FHIT: variants seen among roughly 807,000 people sequenced by gnomAD.
The protein encoded by FHIT is fragile histidine triad diadenosine triphosphatase.
A neutral mutation model predicts 17.9 loss-of-function variants in FHIT; 19 were observed. The observed-to-expected ratio is 1.06, with a 90% confidence interval of 0.74 to 1.56. The LOEUF is 1.56. Ranked by LOEUF, FHIT falls within the 40% of genes most tolerant of loss-of-function variation. The pLI, the probability that FHIT is intolerant of heterozygous loss-of-function variation, is 0.00. For synonymous variants in FHIT, 81 were observed against 69.7 expected (o/e 1.16, Z -0.81); for missense variants, 248 against 189.2 (o/e 1.31, Z -1.82).
intron 8 of FHIT, among the ~76,000 whole-genome samples, chr3:59,754,771 G>GAAAT (rs1041409923): frequency 3.3e-5 from 5 of 152,116 alleles, no homozygotes; most frequent in Non-Finnish European, 4.4e-5. Context: ...GAAATAATAG[G>GAAAT]AAATAAATAA....
chr3:59,912,046 T>C (rs549619264), intron 8 of FHIT, among the ~76,000 whole-genome samples: 1 of 152,322 alleles, frequency 6.6e-6, no homozygotes, highest in South Asian at 2.1e-4. Flanking sequence ...TCTCTCTGTG[T>C]CCTCAGAAAA....
At chr3:60,469,429 C>T (rs1158688855) in intron 5 of FHIT, among the ~76,000 whole-genome samples, 3 of 152,154 alleles carry the variant, frequency 2.0e-5, no homozygotes, top group African/African-American at 7.2e-5. Flanking sequence ...CTTATTTCTG[C>T]TATTAACAGA....
At position 59,949,318 on chromosome 3, in the gene FHIT, T is replaced by C. The variant is rs768403819; in HGVS notation, c.280-26904A>G. Among the ~76,000 whole-genome samples the C allele has an allele frequency of 5.1e-4, 77 of 152,350 alleles. 1 individual carries two copies. The highest frequency in any genetic ancestry group is 3.4e-3 in the Middle Eastern group (1 of 294). On this transcript the variant is annotated intron_variant, in intron 7 of 9. Transcript: ENST00000492590. ...CTGTCTATCTTGAGTCTGCCATAGATGGCCCTCCCTAACTGCCTCACTCAT... is the reference window on the plus strand; with the variant it reads ...CTGTCTATCTTGAGTCTGCCATAGACGGCCCTCCCTAACTGCCTCACTCAT...
At chr3:60,649,406 A>G (rs1411873120) in intron 4 of FHIT, among the ~76,000 whole-genome samples, 1 of 152,170 alleles carries the variant, frequency 6.6e-6, no homozygotes, top group Non-Finnish European at 1.5e-5. Context: ...CATCTCAAAA[A>G]AACAAAACAA....
Position 60,826,294 on chromosome 3 carries a change from T to TTTTTG in FHIT, c.-110-4288_-110-4284dup, listed in dbSNP as rs142138204. 1.8e-3 allele frequency among the ~76,000 whole-genome samples: 268 copies of TTTTTG among 149,360 alleles called. 2 individuals are homozygous for TTTTTG. Among genetic ancestry groups the TTTTTG allele is most frequent in the African/African-American group, 6.2e-3 (249 of 40,286 alleles). On this transcript the variant is annotated intron_variant, in intron 3 of 9. Coordinates refer to ENST00000492590, the MANE Select transcript of FHIT (RefSeq NM_002012.4). ...TAGATGGGGATAGATGAGGTTAGTT[T>TTTTTG]TTTTGTTTTGTTTTGTTTTGTTTTG...
intron 4 of FHIT, among the ~76,000 whole-genome samples, chr3:60,671,738 G>T (rs1253340986): frequency 6.7e-6 from 1 of 149,518 alleles, no homozygotes; most frequent in Non-Finnish European, 1.5e-5. Context: ...TCAGGAGTTC[G>T]TGACCAGCCT....
chr3:61,196,219 C>T (rs1327340510), intron 2 of FHIT, among the ~76,000 whole-genome samples: 3 of 151,876 alleles, frequency 2.0e-5, no homozygotes, highest in Non-Finnish European at 4.4e-5. Context: ...GGGAAGCAAT[C>T]CAGAGAGAGG....
At chr3:60,849,539 A>G (rs537549586) in intron 3 of FHIT, among the ~76,000 whole-genome samples, 29 of 151,596 alleles carry the variant, frequency 1.9e-4, no homozygotes, top group Non-Finnish European at 2.9e-4. Flanking sequence ...GATCCAACAG[A>G]GTAAGTGAGG....
At chr3:60,625,528 T>G (rs2107761492) in intron 4 of FHIT, among the ~76,000 whole-genome samples, 1 of 152,352 alleles carries the variant, frequency 6.6e-6, no homozygotes, top group East Asian at 1.9e-4. Context: ...TGAGTATCTT[T>G]TTATGGGCTT....
At chr3:60,286,175 T>C (rs1707719647) in intron 5 of FHIT, among the ~76,000 whole-genome samples, 1 of 152,198 alleles carries the variant, frequency 6.6e-6, no homozygotes, top group Non-Finnish European at 1.5e-5. Context: ...CTCCTGATAG[T>C]GTATGACAAG....
intron 5 of FHIT, among the ~76,000 whole-genome samples, chr3:60,237,904 G>A (rs1341968949): frequency 6.6e-6 from 1 of 152,082 alleles, no homozygotes; most frequent in African/African-American, 2.4e-5. Flanking sequence ...GGGAGGCCGA[G>A]GCGGGTGGAT....
intron 5 of FHIT, among the ~76,000 whole-genome samples, chr3:60,230,520 G>A (rs78091148): frequency 1.8e-3 from 280 of 152,176 alleles, no homozygotes; most frequent in African/African-American, 6.5e-3. Context: ...AAAAATCGCA[G>A]ATAGCATAGG....
intron 8 of FHIT, among the ~76,000 whole-genome samples, chr3:59,849,993 T>C (rs868708038): frequency 5.9e-5 from 9 of 152,170 alleles, no homozygotes; most frequent in African/African-American, 1.4e-4. Context: ...TCATGCTGGG[T>C]TTTTTTCCAT....
chr3:60,094,507 C>A (rs553168990), intron 5 of FHIT, among the ~76,000 whole-genome samples: 28 of 152,280 alleles, frequency 1.8e-4, no homozygotes, highest in African/African-American at 6.5e-4. Context: ...AATACTGAGG[C>A]ATCAACCACT....
At chr3:60,162,124 G>T (rs1700966400) in intron 5 of FHIT, among the ~76,000 whole-genome samples, 1 of 152,100 alleles carries the variant, frequency 6.6e-6, no homozygotes, top group Non-Finnish European at 1.5e-5. Context: ...CAGAGGAAGG[G>T]GCAGAATGAC....
At chr3:60,878,062 A>G (rs1704752983) in intron 3 of FHIT, among the ~76,000 whole-genome samples, 1 of 152,098 alleles carries the variant, frequency 6.6e-6, no homozygotes, top group South Asian at 2.1e-4. Flanking sequence ...TGTACCATGC[A>G]TGCTGTGCTC....
At chr3:60,947,626 A>G (rs1393500982) in intron 3 of FHIT, among the ~76,000 whole-genome samples, 1 of 152,218 alleles carries the variant, frequency 6.6e-6, no homozygotes, top group Admixed American at 6.5e-5. Context: ...TGAAAAGGTC[A>G]TAACCTGTAC....
intron 5 of FHIT, among the ~76,000 whole-genome samples, chr3:60,288,638 C>A (rs1309159604): frequency 1.3e-5 from 2 of 149,976 alleles, no homozygotes; most frequent in East Asian, 3.9e-4. Context: ...CGCACACATG[C>A]CTGGGTCCAT....
At chr3:60,766,272 G>A (rs1162018184) in intron 4 of FHIT, among the ~76,000 whole-genome samples, 3 of 151,928 alleles carry the variant, frequency 2.0e-5, no homozygotes, top group Admixed American at 6.6e-5. Flanking sequence ...TCTCCTCATT[G>A]CTGCCTTTCT....
Sources: gnomAD v4.1 joint callset for allele counts (sites outside exome capture counted in the v4.1 genomes callset) on GRCh38, gnomAD v4.1.1 for gene constraint, MANE v1.5 for transcripts, NCBI Gene and HGNC (gene_info 2026-07-23, HGNC 2026-07-21) for gene names.